The following CUX1 variants were observed in gnomAD, a reference collection of about 807,000 sequenced individuals.
CUX1 encodes the protein cut like homeobox 1.
Under a neutral mutation model 158.8 loss-of-function variants are expected in CUX1, and 31 were observed. That is an observed-to-expected ratio of 0.20 (90% CI 0.15 to 0.26). The LOEUF is 0.26. Ranked by LOEUF, CUX1 falls within the 10% of genes least tolerant of loss-of-function variation. CUX1 has a pLI of 1.00. For synonymous variants in CUX1, 879 were observed against 862.1 expected (o/e 1.02, Z -0.34); for missense variants, 1,589 against 2,014.6 (o/e 0.79, Z 4.04).
Position 102,250,436 on chromosome 7 carries a change from T to C in CUX1, c.*1394T>C. On this transcript the variant is annotated 3_prime_UTR_variant, in exon 24 of 24. Coordinates refer to ENST00000292535, the MANE Select transcript of CUX1 (RefSeq NM_181552.4). ...CCCAGGGGAAGACACTCCCCAGGCC[T>C]GGGCAGGGCTTACACGCGCACTCTC... 1 of 985,506 alleles carries C rather than the reference T, an allele frequency of 1.0e-6. No individual in the cohort carries two copies. The highest frequency in any genetic ancestry group is 1.2e-6 in the Non-Finnish European group (1 of 829,988). 61.0% of individuals were successfully genotyped at this position (985,506 alleles called of 1,614,324 possible). A position where few individuals can be genotyped will look rare whatever the true frequency, so the allele number is the denominator to read the frequency against.
At chr7:101,816,216 G>A (rs966875525), upstream of CUX1, 9 of 220,730 alleles carry the variant, frequency 4.1e-5, no homozygotes, top group African/African-American at 7.2e-5. Flanking sequence ...GAGGAGGGGG[G>A]TGCCGGGCAC....
chr7:102,173,836 A>G (rs1791999394), intron 10 of CUX1, among the ~76,000 whole-genome samples: 1 of 152,162 alleles, frequency 6.6e-6, no homozygotes, highest in Admixed American at 6.5e-5. Flanking sequence ...TCCCCAGAGC[A>G]GCCCCGTGGG....
intron 3 of CUX1, among the ~76,000 whole-genome samples, 158 bp downstream of exon 3, chr7:102,028,303 G>GTGA (rs1182956637): frequency 1.3e-5 from 2 of 152,228 alleles, no homozygotes; most frequent in African/African-American, 2.4e-5. Flanking sequence ...GCTCTGTGAT[G>GTGA]TGATTTTCCA....
downstream of CUX1, among the ~76,000 whole-genome samples, chr7:102,262,488 C>G (rs1462281213): frequency 1.3e-5 from 2 of 151,990 alleles, no homozygotes; most frequent in Non-Finnish European, 2.9e-5. Flanking sequence ...TCACCCAGCA[C>G]CCAGTGGCAG....
chr7:102,193,004 G>A (rs896990712), intron 12 of CUX1, among the ~76,000 whole-genome samples: 4 of 152,346 alleles, frequency 2.6e-5, no homozygotes, highest in Middle Eastern at 3.4e-3. Flanking sequence ...GAGAACAAGG[G>A]AGGGAGAAGT....
At chr7:102,024,444 A>G (rs1160592478) in intron 2 of CUX1, among the ~76,000 whole-genome samples, 1 of 152,076 alleles carries the variant, frequency 6.6e-6, no homozygotes, top group African/African-American at 2.4e-5. Context: ...CTCCCACCTC[A>G]GCCTCCTGAG....
intron 6 of CUX1, among the ~76,000 whole-genome samples, chr7:102,109,517 C>T (rs1245511575): frequency 6.6e-6 from 1 of 152,150 alleles, no homozygotes; most frequent in Non-Finnish European, 1.5e-5. Flanking sequence ...GGCGAGGTGG[C>T]TCATGCCTGC....
At chr7:102,269,229 C>A (rs567423126) in intron 14 of CUX1, among the ~76,000 whole-genome samples, 1 of 152,142 alleles carries the variant, frequency 6.6e-6, no homozygotes, top group Admixed American at 6.5e-5. Flanking sequence ...CCCTCCTCAG[C>A]CTCCCAAAGT....
At chr7:102,092,801 T>G (rs1484736315) in intron 4 of CUX1, among the ~76,000 whole-genome samples, 1 of 150,490 alleles carries the variant, frequency 6.6e-6, no homozygotes, top group Non-Finnish European at 1.5e-5. Flanking sequence ...CAATCTCAGA[T>G]ACTTGGGAGG....
chr7:101,922,679 C>CTAGA (rs1291255874), intron 2 of CUX1, among the ~76,000 whole-genome samples: 2 of 152,082 alleles, frequency 1.3e-5, no homozygotes, highest in African/African-American at 4.8e-5. Flanking sequence ...AGGGGGGATT[C>CTAGA]TAGAGCTTTG....
intron 21 of CUX1, 74 bp downstream of exon 21, chr7:102,227,743 C>G: frequency 6.8e-7 from 1 of 1,468,472 alleles, no homozygotes. Flanking sequence ...AGGGCGGGCC[C>G]TAGGCCAAGC....
intron 2 of CUX1, among the ~76,000 whole-genome samples, chr7:101,933,067 G>A (rs1806473230): frequency 6.6e-6 from 1 of 152,198 alleles, no homozygotes; most frequent in Non-Finnish European, 1.5e-5. Context: ...TAAATGAACT[G>A]ATTAGAACCA....
chr7:101,873,260 C>T (rs776829834), intron 1 of CUX1, among the ~76,000 whole-genome samples: 51 of 147,262 alleles, frequency 3.5e-4, no homozygotes, highest in Non-Finnish European at 6.8e-4. Context: ...CATAGGTAAA[C>T]GTGTGTACCA....
intron 1 of CUX1, among the ~76,000 whole-genome samples, chr7:101,911,974 A>G (rs778104520): frequency 7.2e-5 from 11 of 152,022 alleles, no homozygotes; most frequent in Non-Finnish European, 1.6e-4. Context: ...TTTCTCAGTA[A>G]AGTTTCTGTC....
intron 3 of CUX1, among the ~76,000 whole-genome samples, chr7:102,060,869 C>CCAAAA: frequency 6.7e-6 from 1 of 148,802 alleles, no homozygotes; most frequent in East Asian, 2.0e-4. Flanking sequence ...ACCTCAGCCT[C>CCAAAA]CAAAAGCACT....
chr7:101,825,809 G>A (rs57521301), intron 1 of CUX1, among the ~76,000 whole-genome samples: 2,136 of 146,368 alleles, frequency 0.015, 48 homozygotes, highest in African/African-American at 0.05. Flanking sequence ...GCGCGCGCGC[G>A]CGCAGTTAGT....
intron 1 of CUX1, among the ~76,000 whole-genome samples, chr7:101,905,670 G>A (rs1322671492): frequency 6.6e-6 from 1 of 152,168 alleles, no homozygotes; most frequent in East Asian, 1.9e-4. Flanking sequence ...CATACGCCGT[G>A]AGATCTGGCC....
chr7:102,269,572 A>ATTTTTTTTTTTTTTTTTT (rs71123030), intron 14 of CUX1, among the ~76,000 whole-genome samples: 2 of 107,768 alleles, frequency 1.9e-5, no homozygotes, highest in African/African-American at 3.9e-5. Flanking sequence ...TGCCCGGCTA[A>ATTTTTTTTTTTTTTTTTT]TTTTTTTTTT....
At chr7:102,010,527 C>G (rs1459672910) in intron 2 of CUX1, among the ~76,000 whole-genome samples, 5 of 151,936 alleles carry the variant, frequency 3.3e-5, no homozygotes, top group Non-Finnish European at 7.4e-5. Flanking sequence ...TCTTTCATAT[C>G]AGGCAACATA....
Sources: allele counts gnomAD v4.1 joint callset (sites outside exome capture counted in the v4.1 genomes callset), GRCh38; gene constraint gnomAD v4.1.1; transcripts MANE v1.5; gene names NCBI Gene and HGNC (gene_info 2026-07-23, HGNC 2026-07-21).